The following UBR4 variants were observed in gnomAD, a reference collection of about 807,000 sequenced individuals.
UBR4 encodes the protein E3 ubiquitin-protein ligase UBR4.
UBR4 carries 124 observed loss-of-function variants against 575.6 expected under a neutral mutation model. The ratio of observed to expected loss-of-function variants is 0.22; its 90% CI spans 0.19 to 0.25. The LOEUF (loss-of-function observed/expected upper bound fraction) is 0.25, where lower values mean the gene tolerates loss of function less well. Ranked by LOEUF, UBR4 falls within the 10% of genes least tolerant of loss-of-function variation. UBR4 has a pLI of 1.00. For missense variants in UBR4, 4,818 were observed against 6,478.8 expected, an observed-to-expected ratio of 0.74 and a Z score of 8.80; for synonymous variants, 2,455 against 2,473.7, an observed-to-expected ratio of 0.99 and a Z score of 0.22.
intron 71 of UBR4, chr1:19,118,583 GCTAA>G (rs948376714): frequency 3.5e-4 from 117 of 335,904 alleles, no homozygotes; most frequent in African/African-American, 2.2e-3. Context: ...ACCACGCCTG[GCTAA>G]CTTTTTTAAA....
rs1470061363 is a variant in UBR4 at position 19,198,568 on chromosome 1, T to C, written c.621A>G (p.Ala207=). ...LTSVFNPRTV[A]SQPISTQTLV... ...GAGTCTGTGTACTGATAGGTTGTGA[T>C]GCTACAGTTCTAGGGTTAAAAACTG... The change falls in exon 5 of 106, where the codon GCA becomes GCG. Residue 207 remains alanine (A), a synonymous_variant. Coordinates refer to ENST00000375254, the MANE Select transcript of UBR4 (RefSeq NM_020765.3). 6.2e-7 allele frequency: 1 copy of C among 1,614,188 alleles called. No homozygotes were observed. Among genetic ancestry groups the C allele is most frequent in the Non-Finnish European group, 8.5e-7 (1 of 1,180,030 alleles).
At chr1:19,193,769 GCA>G (rs149482852) in intron 8 of UBR4, among the ~76,000 whole-genome samples, 2 of 151,174 alleles carry the variant, frequency 1.3e-5, no homozygotes, top group Admixed American at 6.6e-5. Flanking sequence ...TTACACGCGC[GCA>G]CACACACACA....
Position 19,139,181 on chromosome 1 carries a change from T to A in UBR4, c.8633A>T (p.Asp2878Val). The A allele has an allele frequency of 6.2e-7, 1 of 1,613,772 alleles. No individual in the cohort carries two copies. The highest frequency in any genetic ancestry group is 8.5e-7 in the Non-Finnish European group (1 of 1,179,804). Residue 2878 changes from aspartate to valine, a missense_variant, in exon 59 of 106, where the codon GAT becomes GTT. By Grantham distance (152) the Asp-to-Val change is radical. Around this residue, in one of 29 missense-constraint regions of UBR4, gnomAD observed 57 missense variants for 101.5 expected, o/e 0.56. Coordinates refer to ENST00000375254, the MANE Select transcript of UBR4 (RefSeq NM_020765.3). The surrounding 1 kb of genome is among the most constrained non-coding windows in gnomAD (Gnocchi z 4.2). ...AGGAGAGGTCCGAAGGGTAGAACCA[T>A]CTGTCGCTGCTGTACTGCCCTCGTC... is the stretch of plus-strand genomic sequence containing the variant. ...SDDEGSTAAT[D>V]GSTLRTSPAD...
chr1:19,113,882 G>GGT (rs2080183477), intron 76 of UBR4, 55 bp from the exon 77 acceptor site: 1 of 1,613,920 alleles, frequency 6.2e-7, no homozygotes, highest in Non-Finnish European at 8.5e-7. Flanking sequence ...ATCTCACCTA[G>GGT]GAGGCAGTCT....
chr1:19,194,190 C>T (rs1408813925), intron 8 of UBR4, among the ~76,000 whole-genome samples: 4 of 152,166 alleles, frequency 2.6e-5, no homozygotes, highest in Non-Finnish European at 5.9e-5. Flanking sequence ...AAACTATGGA[C>T]TTCAGTTAAT....
intron 67 of UBR4, 84 bp from the exon 68 acceptor site, chr1:19,121,518 G>A: frequency 1.3e-6 from 2 of 1,511,698 alleles, no homozygotes; most frequent in South Asian, 2.6e-5. Context: ...CCCTACAGCT[G>A]AGACTGCCCT....
rs367876842 is a variant in UBR4 at position 19,121,447 on chromosome 1, G to A, written c.9896-13C>T. The stretch of plus-strand genomic sequence containing the variant: ...AAGTACAGGACGGCTGCAAGCAGAG[G>A]AGACAGAGGCTCACCTCTGAGACGA... On this transcript the variant is annotated splice_polypyrimidine_tract_variant and intron_variant, in intron 67 of 105. Coordinates refer to ENST00000375254, the MANE Select transcript of UBR4 (RefSeq NM_020765.3). 4 of 1,610,106 alleles carry A rather than the reference G, an allele frequency of 2.5e-6. No individual in the cohort carries two copies. In the South Asian group the frequency reaches 3.3e-5, roughly 13 times the overall value.
chr1:19,114,495 G>T (rs1250955854), intron 75 of UBR4, among the ~76,000 whole-genome samples: 4 of 152,154 alleles, frequency 2.6e-5, no homozygotes, highest in African/African-American at 9.7e-5. Flanking sequence ...AATACTGAGG[G>T]AGGGCCAGCA....
At chr1:19,161,961 A>C in intron 35 of UBR4, 64 bp from the exon 36 acceptor site, 1 of 1,581,824 alleles carries the variant, frequency 6.3e-7, no homozygotes, top group Non-Finnish European at 8.7e-7. Context: ...CCACAAAAAC[A>C]CATGTGCCTC....
rs71577879 is a variant in UBR4 at position 19,200,282 on chromosome 1, CA to C, written c.275-529del. On this transcript the variant is annotated intron_variant, in intron 2 of 105. Coordinates refer to ENST00000375254, the MANE Select transcript of UBR4 (RefSeq NM_020765.3). Reference sequence around the variant, plus strand: ...CTGATGAGCTTTAAAAAAAAAAAGGCAAAAAAAAAAATCTCATAATGTTTTA... The same window carrying C: ...CTGATGAGCTTTAAAAAAAAAAAGGCAAAAAAAAAATCTCATAATGTTTTA... 1.1e-3 allele frequency among the ~76,000 whole-genome samples: 167 copies of C among 146,542 alleles called. 1 individual carries two copies. The highest frequency in any genetic ancestry group is 3.5e-3 in the Middle Eastern group (1 of 284).
In UBR4 at chr1:19,201,819, T is replaced by TA; in HGVS notation, c.177-5dup. 1.9e-6 allele frequency: 3 copies of TA among 1,613,158 alleles called. No homozygotes were observed. Among genetic ancestry groups the TA allele is most frequent in the Non-Finnish European group, 2.5e-6 (3 of 1,179,254 alleles). On this transcript the variant is annotated splice_polypyrimidine_tract_variant and splice_region_variant and intron_variant, in intron 1 of 105. Transcript: ENST00000375254. ...ATGGTGCAGGATTTCTGATTCACTG[T>TA]AAAAATAATAATAATTCAGCCAGCA...
At chr1:19,131,243 TAAAAAAAAAA>T (rs869155620) in intron 60 of UBR4, among the ~76,000 whole-genome samples, 6,118 of 103,006 alleles carry the variant, frequency 0.059, 187 homozygotes, top group African/African-American at 0.097. Context: ...TCTTGAAACT[TAAAAAAAAAA>T]AAAAAAAAAA....
intron 96 of UBR4, 32 bp from the exon 97 acceptor site, chr1:19,092,950 C>A (rs775089256): frequency 1.3e-6 from 2 of 1,597,290 alleles, no homozygotes; most frequent in Middle Eastern, 1.7e-4. Flanking sequence ...ATTAGCAGGC[C>A]AGGGAAGCAA....
In UBR4 at chr1:19,198,852, G is replaced by A; in HGVS notation, c.455C>T (p.Thr152Ile). ...RLDRTEIITFTAMMKSAKLPQ... is the reference protein window; with the variant it reads ...RLDRTEIITFIAMMKSAKLPQ... Reference sequence around the variant, plus strand: ...CAGCTTGGCGGATTTCATCATTGCTGTAAATGTGATAATTTCAGTTCTATC... The same window carrying A: ...CAGCTTGGCGGATTTCATCATTGCTATAAATGTGATAATTTCAGTTCTATC... Residue 152 changes from threonine to isoleucine, a missense_variant, in exon 4 of 106, where the codon ACA becomes ATA. This residue lies in a region of UBR4 where 85 missense variants were observed against 134.2 expected (regional missense o/e 0.63). Transcript: ENST00000375254. The A allele has an allele frequency of 3.1e-6, 5 of 1,614,246 alleles. No individual in the cohort carries two copies. The highest frequency in any genetic ancestry group is 4.2e-6 in the Non-Finnish European group (5 of 1,180,048).
intron 13 of UBR4, 47 bp from the exon 14 acceptor site, chr1:19,186,704 A>C: frequency 3.6e-3 from 5,512 of 1,530,442 alleles, no homozygotes; most frequent in Non-Finnish European, 4.5e-3. Context: ...ATTTAATCTC[A>C]TGCATCGCAT....
rs1236164242 is a variant in UBR4 at position 19,093,268 on chromosome 1, G to A, written c.14111+45C>T. 6.3e-7 allele frequency: 1 copy of A among 1,597,260 alleles called. No individual in the cohort carries two copies. The highest frequency in any genetic ancestry group is 1.3e-5 in the African/African-American group (1 of 74,470). On this transcript the variant is annotated intron_variant, in intron 96 of 105. Coordinates refer to ENST00000375254, the MANE Select transcript of UBR4 (RefSeq NM_020765.3). The surrounding 1 kb of genome is among the most constrained non-coding windows in gnomAD (Gnocchi z 4.8). ...TGCTGATGGAGAAGGAAAAGGAAAG[G>A]GCAAAGCGAAGGCAAAGCAGCCCCG...
At chr1:19,121,570 T>C (rs1052018854) in intron 67 of UBR4, 136 bp from the exon 68 acceptor site, 1 of 1,176,072 alleles carries the variant, frequency 8.5e-7, no homozygotes, top group Non-Finnish European at 1.2e-6. Context: ...CTGCTGGACA[T>C]TGTGAAGAAG....
At chr1:19,176,837 G>T in intron 19 of UBR4, 110 bp from the exon 20 acceptor site, 1 of 1,214,860 alleles carries the variant, frequency 8.2e-7, no homozygotes, top group South Asian at 1.7e-5. Context: ...CTGAATGTGG[G>T]TGTTCTACAT....
Position 19,153,270 on chromosome 1 carries a change from C to A in UBR4, c.6832+31G>T, listed in dbSNP as rs757486604. The A allele has an allele frequency of 1.9e-6, 3 of 1,611,414 alleles. No individual in the cohort carries two copies. Among genetic ancestry groups the A allele is most frequent in the Non-Finnish European group, 2.5e-6 (3 of 1,177,784 alleles). Reference sequence around the variant, plus strand: ...TGTCTAGAAGACCACCATTCCTACTCCCCCACAAGTCATCTGAGAAGGAGC... The same window carrying A: ...TGTCTAGAAGACCACCATTCCTACTACCCCACAAGTCATCTGAGAAGGAGC... On this transcript the variant is annotated intron_variant, in intron 46 of 105. Coordinates refer to ENST00000375254, the MANE Select transcript of UBR4 (RefSeq NM_020765.3). This position sits in a 1 kb window ranked among gnomAD's most constrained non-coding sequence, Gnocchi z 4.1.
Sources: gnomAD v4.1 joint callset for allele counts (sites outside exome capture counted in the v4.1 genomes callset) on GRCh38, gnomAD v4.1.1 for gene constraint, gnomAD v4.1.1 regional missense constraint, Gnocchi (gnomAD v3.1) non-coding constraint, MANE v1.5 for transcripts, NCBI Gene and HGNC (gene_info 2026-07-23, HGNC 2026-07-21) for gene names.